Variants in CTSS observed in about 807,000 individuals in gnomAD.
The protein encoded by CTSS is cathepsin S.
Under a neutral mutation model 39.9 loss-of-function variants are expected in CTSS, and 15 were observed. The observed-to-expected ratio is 0.38, with a 90% confidence interval of 0.25 to 0.58. CTSS has a LOEUF of 0.58. Ranked by LOEUF, CTSS falls within the 20% of genes least tolerant of loss-of-function variation. The probability of loss-of-function intolerance (pLI) is 0.70; values close to 1 mark genes in which losing one functional copy is unlikely to be tolerated. For missense variants in CTSS, 250 were observed against 398.2 expected (o/e 0.63, Z 3.17); for synonymous variants, 126 against 138.2 (o/e 0.91, Z 0.62).
chr1:150,755,326 C>T (rs1050494861), intron 3 of CTSS, among the ~76,000 whole-genome samples, 176 bp from the exon 4 acceptor site: 1 of 152,224 alleles, frequency 6.6e-6, no homozygotes, highest in African/African-American at 2.4e-5. Flanking sequence ...TCCTAAACTA[C>T]AAACCTGCAC....
intron 2 of CTSS, among the ~76,000 whole-genome samples, chr1:150,761,945 T>C (rs1016234268): frequency 2.5e-4 from 38 of 152,176 alleles, no homozygotes; most frequent in African/African-American, 8.9e-4. Context: ...CATGCGGAAC[T>C]ACAAAAGTCC....
chr1:150,753,896 G>A (rs1484288134), intron 4 of CTSS, among the ~76,000 whole-genome samples: 3 of 151,590 alleles, frequency 2.0e-5, no homozygotes, highest in African/African-American at 7.3e-5. Context: ...AGCCCAGATC[G>A]CACCACTGCA....
chr1:150,762,261 T>A (rs2101928026), intron 2 of CTSS, among the ~76,000 whole-genome samples: 1 of 152,234 alleles, frequency 6.6e-6, no homozygotes, highest in South Asian at 2.1e-4. Context: ...TGTCACCCCA[T>A]ATACAATAAT....
chr1:150,761,909 G>A (rs1381497284), intron 2 of CTSS, among the ~76,000 whole-genome samples: 3 of 151,952 alleles, frequency 2.0e-5, no homozygotes, highest in Non-Finnish European at 4.4e-5. Context: ...ATTCTTCACA[G>A]AAATAGAAAA....
intron 3 of CTSS, among the ~76,000 whole-genome samples, chr1:150,756,003 A>G (rs1050543222): frequency 4.6e-5 from 7 of 152,222 alleles, no homozygotes; most frequent in Admixed American, 3.9e-4. Flanking sequence ...TTTGTCTTCT[A>G]TGGTAACCCC....
rs2101905905 is a variant in CTSS at position 150,731,123 on chromosome 1, C to T, written c.*1923G>A. ...GAAAAGTAGGCTGGGCTCAGTGGCTCACGCCTGTAATCTTAGCACTTTGGG... is the reference window on the plus strand; with the variant it reads ...GAAAAGTAGGCTGGGCTCAGTGGCTTACGCCTGTAATCTTAGCACTTTGGG... On this transcript the variant is annotated 3_prime_UTR_variant, in exon 8 of 8. Transcript: ENST00000368985. 6.6e-6 allele frequency: 1 copy of T among 152,274 alleles called. No individual in the cohort carries two copies. Among genetic ancestry groups the T allele is most frequent in the South Asian group, 2.1e-4 (1 of 4,828 alleles). 9.4% of individuals were successfully genotyped at this position (152,274 alleles called of 1,614,324 possible).
At chr1:150,756,416 A>ATTT (rs1653128299) in intron 3 of CTSS, among the ~76,000 whole-genome samples, 1 of 152,234 alleles carries the variant, frequency 6.6e-6, no homozygotes, top group African/African-American at 2.4e-5. Flanking sequence ...TAACATAGTC[A>ATTT]TTTATTATTA....
chr1:150,748,087 C>T (rs587599008), intron 6 of CTSS: 160 of 423,774 alleles, frequency 3.8e-4, no homozygotes, highest in African/African-American at 3.1e-3. Flanking sequence ...GTCAAGAGAT[C>T]GAGACCATCC....
chr1:150,748,307 C>G (rs1287305508), intron 6 of CTSS: 3 of 153,638 alleles, frequency 2.0e-5, no homozygotes, highest in Non-Finnish European at 2.9e-5. Context: ...AAAAAAAAGT[C>G]AAGGACATAT....
Position 150,731,053 on chromosome 1 carries a change from A to G in CTSS, c.*1993T>C, listed in dbSNP as rs1041799554. On this transcript the variant is annotated 3_prime_UTR_variant, in exon 8 of 8. Transcript: ENST00000368985. ...GAACCCATGTTTTTATTCTACTTTCAATACTTGAAAAGTTGTGGATAAAAC... is the reference window on the plus strand; with the variant it reads ...GAACCCATGTTTTTATTCTACTTTCGATACTTGAAAAGTTGTGGATAAAAC... The G allele has an allele frequency of 3.9e-5, 6 of 152,238 alleles. No individual in the cohort carries two copies. Among genetic ancestry groups the G allele is most frequent in the Non-Finnish European group, 7.3e-5 (5 of 68,044 alleles). The allele number at this position is 152,238 out of a possible 1,614,324, so 9.4% of individuals were successfully genotyped here.
rs1249666986 is a variant in CTSS at position 150,731,559 on chromosome 1, T to A, written c.*1487A>T. ...AAGGAGCCAGAGTTAGTGAAATACGTTTAGGTTAATTTAGGATATATTAAT... is the reference window on the plus strand; with the variant it reads ...AAGGAGCCAGAGTTAGTGAAATACGATTAGGTTAATTTAGGATATATTAAT... On this transcript the variant is annotated 3_prime_UTR_variant, in exon 8 of 8. Coordinates refer to ENST00000368985, the MANE Select transcript of CTSS (RefSeq NM_004079.5). The A allele has an allele frequency of 6.6e-6, 1 of 152,270 alleles. No individual in the cohort carries two copies. Among genetic ancestry groups the A allele is most frequent in the African/African-American group, 2.4e-5 (1 of 41,566 alleles). 9.4% of individuals were successfully genotyped at this position (152,270 alleles called of 1,614,324 possible). A position where few individuals can be genotyped will look rare whatever the true frequency, so the allele number is the denominator to read the frequency against.
chr1:150,764,798 T>C, intron 1 of CTSS, 34 bp from the exon 2 acceptor site: 3 of 1,610,340 alleles, frequency 1.9e-6, no homozygotes, highest in Non-Finnish European at 2.5e-6. Context: ...GAAGTGTTGC[T>C]ATTAGCTGCA....
intron 2 of CTSS, among the ~76,000 whole-genome samples, chr1:150,761,178 C>CAA (rs33945837): frequency 2.9e-5 from 3 of 102,508 alleles, no homozygotes; most frequent in African/African-American, 7.2e-5. Flanking sequence ...GAATCCGCCT[C>CAA]AAAAAAAAAA....
chr1:150,755,173 G>A, intron 3 of CTSS, 23 bp from the exon 4 acceptor site: 1 of 1,611,564 alleles, frequency 6.2e-7, no homozygotes, highest in Non-Finnish European at 8.5e-7. Flanking sequence ...TATACAGTCA[G>A]GCATTGTTTA....
In CTSS at chr1:150,750,072, C is replaced by T. The variant is rs748861303; in HGVS notation, c.727G>A (p.Ala243Thr). 7 of 1,614,010 alleles carry T rather than the reference C, an allele frequency of 4.3e-6. No individual in the cohort carries two copies. The Admixed American group carries it at 1.2e-4, about 27-fold the overall frequency. The change falls in exon 6 of 8, where the codon GCC becomes ACC. Residue 243 changes from alanine (A) to threonine (T), a missense_variant. Ala to Thr is a moderately conservative substitution (Grantham distance 58, BLOSUM62 0). Coordinates refer to ENST00000368985, the MANE Select transcript of CTSS (RefSeq NM_004079.5). The stretch of plus-strand genomic sequence containing the variant: ...CCAACAGACACTGGGCCTTTATTGG[C>T]CACAGCTTCTTTCAGGACATCTTCT... ...GREDVLKEAV[A>T]NKGPVSVGVD... is the part of the protein sequence containing the mutation.
intron 7 of CTSS, 62 bp downstream of exon 7, chr1:150,747,715 G>A: frequency 9.9e-7 from 1 of 1,008,578 alleles, no homozygotes; most frequent in East Asian, 2.4e-5. Flanking sequence ...AATCATGAGA[G>A]TATTTGCTGA....
intron 2 of CTSS, among the ~76,000 whole-genome samples, chr1:150,760,104 C>A (rs1482031773): frequency 6.6e-6 from 1 of 151,556 alleles, no homozygotes; most frequent in Non-Finnish European, 1.5e-5. Flanking sequence ...GTTCATTCAT[C>A]CTGAGGGACT....
intron 7 of CTSS, among the ~76,000 whole-genome samples, chr1:150,734,518 G>A (rs948174518): frequency 6.6e-6 from 1 of 152,064 alleles, no homozygotes; most frequent in African/African-American, 2.4e-5. Flanking sequence ...GCATGAGCCT[G>A]TAGTCCCAGC....
intron 6 of CTSS, among the ~76,000 whole-genome samples, chr1:150,749,015 G>C (rs1334193002): frequency 6.6e-6 from 1 of 152,156 alleles, no homozygotes; most frequent in African/African-American, 2.4e-5. Flanking sequence ...TGTTGTGTGT[G>C]TTCTGACTGA....
Sources: allele counts gnomAD v4.1 joint callset (sites outside exome capture counted in the v4.1 genomes callset), GRCh38; gene constraint gnomAD v4.1.1; transcripts MANE v1.5; gene names NCBI Gene and HGNC (gene_info 2026-07-23, HGNC 2026-07-21).